The following BIRC6 variants were observed in gnomAD, a reference collection of about 807,000 sequenced individuals.
BIRC6 encodes dual E2 ubiquitin-conjugating enzyme/E3 ubiquitin-protein ligase BIRC6.
In BIRC6, 98 loss-of-function variants were observed where a neutral mutation model predicts 503.3. The observed-to-expected ratio is 0.19, with a 90% CI of 0.17 to 0.23. The LOEUF is 0.23. BIRC6 is among the 10% of genes least tolerant of loss of function. BIRC6 has a pLI of 1.00. For synonymous variants in BIRC6, 2,240 were observed against 2,078.7 expected (o/e 1.08, Z -2.11); for missense variants, 5,360 against 5,806.0 (o/e 0.92, Z 2.50).
rs1211313798 is a variant in BIRC6 at position 32,513,019 on chromosome 2, ACTC to A, written c.10437_10439del (p.Ser3480del). 1 of 1,613,832 alleles carries A rather than the reference ACTC, an allele frequency of 6.2e-7. No homozygotes were observed. The highest frequency in any genetic ancestry group is 2.2e-5 in the East Asian group (1 of 44,836). ...GGCAGGATGAACTACATGTGTCCTAACTCCTCAACAGTAGAGTATGGTCTTCTG... is the reference window on the plus strand; with the variant it reads ...GGCAGGATGAACTACATGTGTCCTAACTCAACAGTAGAGTATGGTCTTCTG... On this transcript the variant is annotated inframe_deletion, in exon 54 of 74. Coordinates refer to ENST00000421745, the MANE Select transcript of BIRC6 (RefSeq NM_016252.4).
At chr2:32,403,871 C>G (rs1272294584) in intron 8 of BIRC6, among the ~76,000 whole-genome samples, 1 of 150,998 alleles carries the variant, frequency 6.6e-6, no homozygotes, top group Non-Finnish European at 1.5e-5. Flanking sequence ...CATAATCACA[C>G]TATGGGATTA....
chr2:32,592,638 C>T (rs933016122), intron 66 of BIRC6, among the ~76,000 whole-genome samples: 9 of 151,714 alleles, frequency 5.9e-5, no homozygotes, highest in African/African-American at 2.2e-4. Flanking sequence ...TCTTGTTGCC[C>T]AGGCTGGAGT....
chr2:32,374,844 A>ATCCT (rs2036513279), intron 1 of BIRC6, among the ~76,000 whole-genome samples: 1 of 152,104 alleles, frequency 6.6e-6, no homozygotes. Context: ...GGCTCAAGCG[A>ATCCT]TCCTTCCGTG....
Position 32,549,321 on chromosome 2 carries a change from C to T in BIRC6, c.12984C>T (p.Ala4328=), listed in dbSNP as rs756146093. The T allele has an allele frequency of 1.4e-6, 2 of 1,445,656 alleles. No individual in the cohort carries two copies. Among genetic ancestry groups the T allele is most frequent in the Middle Eastern group, 1.9e-4 (1 of 5,342 alleles). The allele number at this position is 1,445,656 out of a possible 1,614,324, so 89.6% of individuals were successfully genotyped here. A position where few individuals can be genotyped will look rare whatever the true frequency, so the allele number is the denominator to read the frequency against. ...EHVTCLLQVL[A]SYINPVSSAV... ...ATTTCAACAATTTTTAGGTTCTTGC[C>T]AGTTACATAAATCCCGTCAGTAGTG... Residue 4328 remains alanine (A), a synonymous_variant, in exon 65 of 74, where the codon GCC becomes GCT. Transcript: ENST00000421745.
intron 6 of BIRC6, among the ~76,000 whole-genome samples, chr2:32,399,770 T>C (rs1446389773): frequency 6.6e-6 from 1 of 151,944 alleles, no homozygotes; most frequent in Non-Finnish European, 1.5e-5. Context: ...TTTATTTTTA[T>C]ATTTTAATTT....
At chr2:32,545,001 C>A (rs2057956459) in intron 62 of BIRC6, among the ~76,000 whole-genome samples, 1 of 151,618 alleles carries the variant, frequency 6.6e-6, no homozygotes, top group African/African-American at 2.4e-5. Flanking sequence ...CATGGTATTT[C>A]AACACTGTTA....
chr2:32,540,784 G>A (rs1273432635), intron 61 of BIRC6, among the ~76,000 whole-genome samples: 2 of 151,902 alleles, frequency 1.3e-5, no homozygotes, highest in Non-Finnish European at 2.9e-5. Context: ...TAGCATACTT[G>A]CTGTATATTT....
At chr2:32,547,244 A>T (rs1248090241) in intron 63 of BIRC6, among the ~76,000 whole-genome samples, 4 of 152,132 alleles carry the variant, frequency 2.6e-5, no homozygotes, top group Non-Finnish European at 5.9e-5. Flanking sequence ...ATTTTGAGTC[A>T]TTGACTTTTT....
intron 20 of BIRC6, 99 bp from the exon 21 acceptor site, chr2:32,445,422 A>G: frequency 8.4e-7 from 1 of 1,189,154 alleles, no homozygotes; most frequent in Non-Finnish European, 1.1e-6. Flanking sequence ...GTATCTTTCT[A>G]GCAAAAGGAA....
chr2:32,361,599 A>AG (rs2034099941), intron 1 of BIRC6, among the ~76,000 whole-genome samples: 1 of 152,180 alleles, frequency 6.6e-6, no homozygotes, highest in Admixed American at 6.6e-5. Context: ...GACAATGTAT[A>AG]GTGACATGTA....
intron 9 of BIRC6, among the ~76,000 whole-genome samples, chr2:32,408,029 G>T (rs2041438187): frequency 6.6e-6 from 1 of 151,626 alleles, no homozygotes; most frequent in Admixed American, 6.6e-5. Flanking sequence ...GTGCAGTGGT[G>T]TGATCTCAGC....
At chr2:32,469,292 C>G in intron 29 of BIRC6, 103 bp from the exon 30 acceptor site, 1 of 816,626 alleles carries the variant, frequency 1.2e-6, no homozygotes, top group South Asian at 2.0e-5. Flanking sequence ...ATATAATTAT[C>G]TACTGATTAC....
In BIRC6 at chr2:32,547,860, C is replaced by T; in HGVS notation, c.12821C>T (p.Ser4274Leu). The T allele has an allele frequency of 6.4e-7, 1 of 1,569,476 alleles. No individual in the cohort carries two copies. The highest frequency in any genetic ancestry group is 1.2e-5 in the South Asian group (1 of 83,280). ...SSVNQTEPQV[S>L]SSHNPTSTEE... ...TTTTGTTATTTTAAGCCACAGGTGT[C>T]AAGCTCTCATAACCCTACATCAACA... Residue 4274 changes from serine (S) to leucine (L), a missense_variant, in exon 64 of 74, where the codon TCA (serine) becomes TTA (leucine). Coordinates refer to ENST00000421745, the MANE Select transcript of BIRC6 (RefSeq NM_016252.4).
chr2:32,501,937 G>A (rs113469392), intron 47 of BIRC6, 49 bp downstream of exon 47: 11 of 1,485,064 alleles, frequency 7.4e-6, no homozygotes, highest in Middle Eastern at 3.6e-4. Flanking sequence ...AATTTATTGC[G>A]ATGTAAGTGG....
At chr2:32,483,233 T>A (rs2050615281) in intron 39 of BIRC6, among the ~76,000 whole-genome samples, 1 of 152,106 alleles carries the variant, frequency 6.6e-6, no homozygotes, top group African/African-American at 2.4e-5. Flanking sequence ...TTACACTTTT[T>A]TAGTCATGTA....
In BIRC6 at chr2:32,401,577, G is replaced by C. The variant is rs760508325; in HGVS notation, c.1372G>C (p.Glu458Gln). The change falls in exon 8 of 74, where the codon GAG (glutamate) becomes CAG (glutamine). Residue 458 changes from glutamate to glutamine, a missense_variant. Coordinates refer to ENST00000421745, the MANE Select transcript of BIRC6 (RefSeq NM_016252.4). ...DSRRPTLAWLEDSSSCSDIPK... is the reference protein window; with the variant it reads ...DSRRPTLAWLQDSSSCSDIPK... ...AAGGAGACCAACTTTGGCGTGGCTG[G>C]AGGACTCCTCTAGTTGCTCAGATAT... is the stretch of plus-strand genomic sequence containing the variant. 4 of 1,613,896 alleles carry C rather than the reference G, an allele frequency of 2.5e-6. No homozygotes were observed. Among genetic ancestry groups the C allele is most frequent in the African/African-American group, 2.7e-5 (2 of 74,930 alleles).
At position 32,467,953 on chromosome 2, in the gene BIRC6, A is replaced by G. The variant is rs564013760; in HGVS notation, c.5622A>G (p.Pro1874=). The stretch of plus-strand genomic sequence containing the variant: ...GTACAAATGCCAGAGCCAAAATCCC[A>G]TTAGGATTTTACTATGGTCATACCT... ...YGSTNARAKI[P]LGFYYGHTYI... The change falls in exon 28 of 74, where the codon CCA becomes CCG. Residue 1874 remains proline, a synonymous_variant. Transcript: ENST00000421745. 8 of 1,613,752 alleles carry G rather than the reference A, an allele frequency of 5.0e-6. No individual in the cohort carries two copies. The African/African-American group carries it at 8.0e-5, about 16-fold the overall frequency.
chr2:32,572,263 A>G (rs769558215), intron 65 of BIRC6, among the ~76,000 whole-genome samples: 3 of 152,096 alleles, frequency 2.0e-5, no homozygotes, highest in South Asian at 2.1e-4. Context: ...TTTAAGTCCA[A>G]TGTTTTCTTT....
rs1372787408 is a variant in BIRC6 at position 32,513,050 on chromosome 2, G to A, written c.10464G>A (p.Met3488Ile). ...CAACAGTAGAGTATGGTCTTCTGAT[G>A]CCATCTCCTTCTCATTTGCACTGTG... ...NSSTVEYGLL[M>I]PSPSHLHCVA... Residue 3488 changes from methionine (M) to isoleucine (I), a missense_variant, in exon 54 of 74, where the codon ATG becomes ATA. This residue lies in a region of BIRC6 where 878 missense variants were observed against 928.9 expected (regional missense o/e 0.95). Coordinates refer to ENST00000421745, the MANE Select transcript of BIRC6 (RefSeq NM_016252.4). The A allele has an allele frequency of 2.5e-6, 4 of 1,613,768 alleles. No homozygotes were observed. Among genetic ancestry groups the A allele is most frequent in the East Asian group, 2.2e-5 (1 of 44,862 alleles).
Sources: gnomAD v4.1 joint callset for allele counts (sites outside exome capture counted in the v4.1 genomes callset) on GRCh38, gnomAD v4.1.1 for gene constraint, gnomAD v4.1.1 regional missense constraint, MANE v1.5 for transcripts, NCBI Gene and HGNC (gene_info 2026-07-23, HGNC 2026-07-21) for gene names.